The following NRP1 variants were observed in gnomAD, a reference collection of about 807,000 sequenced individuals.
The protein encoded by NRP1 is neuropilin 1, also known as neuropilin-1.
A neutral mutation model predicts 106.7 loss-of-function variants in NRP1; 35 were observed. The observed-to-expected ratio is 0.33, with a 90% CI of 0.25 to 0.43. The LOEUF (loss-of-function observed/expected upper bound fraction) is 0.43, where lower values mean the gene tolerates loss of function less well. Ranked by LOEUF, NRP1 falls within the 20% of genes least tolerant of loss-of-function variation. NRP1 has a pLI of 1.00. For synonymous variants in NRP1, 437 were observed against 417.9 expected (o/e 1.05, Z -0.56); for missense variants, 1,024 against 1,170.4 (o/e 0.87, Z 1.83).
At chr10:33,290,489 T>C (rs1015041911) in intron 2 of NRP1, among the ~76,000 whole-genome samples, 1 of 152,092 alleles carries the variant, frequency 6.6e-6, no homozygotes, top group Non-Finnish European at 1.5e-5. Context: ...GTCACAACCT[T>C]GCCTGTCAGT....
intron 2 of NRP1, among the ~76,000 whole-genome samples, chr10:33,279,993 A>T (rs1843998130): frequency 6.6e-6 from 1 of 152,258 alleles, no homozygotes. Context: ...CTCCTGATTG[A>T]AGCAAAACCA....
chr10:33,238,342 A>T (rs1207966491), intron 6 of NRP1, among the ~76,000 whole-genome samples: 1 of 152,226 alleles, frequency 6.6e-6, no homozygotes, highest in Non-Finnish European at 1.5e-5. Context: ...TCTCGCCTCA[A>T]ACATTTAAGG....
At chr10:33,282,405 C>A (rs1490758205) in intron 2 of NRP1, among the ~76,000 whole-genome samples, 3 of 152,052 alleles carry the variant, frequency 2.0e-5, no homozygotes, top group African/African-American at 4.8e-5. Context: ...TATTATAGGA[C>A]CTAATGTGCT....
At chr10:33,334,199 G>A in intron 1 of NRP1, 111 bp downstream of exon 1, 1 of 926,300 alleles carries the variant, frequency 1.1e-6, no homozygotes, top group Non-Finnish European at 1.6e-6. Context: ...CCTTCGCCCG[G>A]GAGTCGGTTG....
chr10:33,276,631 T>C (rs531555927), intron 2 of NRP1, among the ~76,000 whole-genome samples: 1 of 152,322 alleles, frequency 6.6e-6, no homozygotes, highest in South Asian at 2.1e-4. Flanking sequence ...GGGGCAAGCT[T>C]GATTCTGATA....
At chr10:33,313,478 T>C (rs1231345810) in intron 2 of NRP1, among the ~76,000 whole-genome samples, 1 of 152,094 alleles carries the variant, frequency 6.6e-6, no homozygotes, top group African/African-American at 2.4e-5. Context: ...ACCCCAGTAA[T>C]GTATACATCT....
chr10:33,318,533 A>G (rs1319173094), intron 2 of NRP1, among the ~76,000 whole-genome samples: 1 of 152,086 alleles, frequency 6.6e-6, no homozygotes, highest in South Asian at 2.1e-4. Flanking sequence ...TATGTATTCT[A>G]ATAGTTACTC....
intron 9 of NRP1, 34 bp downstream of exon 9, chr10:33,213,351 TA>T: frequency 6.2e-7 from 1 of 1,614,094 alleles, no homozygotes; most frequent in Non-Finnish European, 8.5e-7. Flanking sequence ...GTCAAGGACA[TA>T]AGGGATGACC....
At chr10:33,237,650 C>T (rs577633214) in intron 6 of NRP1, among the ~76,000 whole-genome samples, 2 of 144,562 alleles carry the variant, frequency 1.4e-5, no homozygotes, top group South Asian at 4.4e-4. Flanking sequence ...TGGATCTCAG[C>T]TCACTGCAAC....
chr10:33,195,049 C>G (rs771871023), intron 12 of NRP1, among the ~76,000 whole-genome samples: 3 of 152,164 alleles, frequency 2.0e-5, no homozygotes, highest in Admixed American at 1.3e-4. Flanking sequence ...ATATTCTGAA[C>G]TTAAAACAAA....
chr10:33,226,400 G>C, intron 6 of NRP1, 111 bp from the exon 7 acceptor site: 1 of 1,172,670 alleles, frequency 8.5e-7, no homozygotes, highest in South Asian at 1.5e-5. Flanking sequence ...GGGATCAACA[G>C]GGCCTCATTC....
At chr10:33,327,525 A>G (rs568350839) in intron 2 of NRP1, among the ~76,000 whole-genome samples, 464 of 152,272 alleles carry the variant, frequency 3.0e-3, no homozygotes, top group African/African-American at 9.6e-3. Context: ...GTTTTGTGCC[A>G]CCTCCAATCC....
intron 8 of NRP1, 138 bp from the exon 9 acceptor site, chr10:33,213,855 C>T: frequency 5.5e-6 from 4 of 731,666 alleles, no homozygotes; most frequent in Non-Finnish European, 8.7e-6. Flanking sequence ...GATTATTTTA[C>T]AGTAAATCTT....
chr10:33,255,984 CT>C (rs949851889), intron 5 of NRP1, among the ~76,000 whole-genome samples: 1 of 152,152 alleles, frequency 6.6e-6, no homozygotes, highest in African/African-American at 2.4e-5. Context: ...TGCCTGTCCT[CT>C]TATGATGCTC....
intron 9 of NRP1, chr10:33,212,953 G>A (rs1588736113): frequency 1.2e-5 from 5 of 421,198 alleles, no homozygotes; most frequent in Non-Finnish European, 2.1e-5. Context: ...TTACAGGCAT[G>A]AGCCACTGAG....
chr10:33,220,332 T>C (rs1839129323), intron 8 of NRP1, among the ~76,000 whole-genome samples: 2 of 152,146 alleles, frequency 1.3e-5, no homozygotes, highest in Non-Finnish European at 2.9e-5. Context: ...AAAAATGGAA[T>C]AAAAAATTAA....
Position 33,197,707 on chromosome 10 carries a change from C to T in NRP1, c.1867G>A (p.Gly623Ser). The T allele has an allele frequency of 6.3e-7, 1 of 1,589,472 alleles. No homozygotes were observed. Among genetic ancestry groups the T allele is most frequent in the Middle Eastern group, 1.7e-4 (1 of 5,998 alleles). Residue 623 changes from glycine to serine, a missense_variant and splice_region_variant, in exon 12 of 17, where the codon GGC becomes AGC. Transcript: ENST00000374867. ...TTTTCTGTGGCCAGCACAGTGGTGCCACCTGAAAAACAAAAACAGGAACAT... is the reference window on the plus strand; with the variant it reads ...TTTTCTGTGGCCAGCACAGTGGTGCTACCTGAAAAACAAAAACAGGAACAT... ...GTGDDFQLTG[G>S]TTVLATEKPT...
intron 6 of NRP1, among the ~76,000 whole-genome samples, chr10:33,240,350 C>T (rs1323718185): frequency 4.6e-5 from 7 of 152,170 alleles, no homozygotes; most frequent in South Asian, 2.1e-4. Flanking sequence ...TTTATCTGCA[C>T]GATTGGGTGA....
intron 4 of NRP1, among the ~76,000 whole-genome samples, chr10:33,261,661 A>G (rs187097678): frequency 2.0e-5 from 3 of 152,310 alleles, no homozygotes; most frequent in African/African-American, 7.2e-5. Context: ...GCTGTTTACT[A>G]CTGAGGAACA....
Sources: gnomAD v4.1 joint callset for allele counts (sites outside exome capture counted in the v4.1 genomes callset) on GRCh38, gnomAD v4.1.1 for gene constraint, MANE v1.5 for transcripts, NCBI Gene and HGNC (gene_info 2026-07-23, HGNC 2026-07-21) for gene names.